AGBL1: variants seen among roughly 807,000 people sequenced by gnomAD.
The protein encoded by AGBL1 is cytosolic carboxypeptidase 4.
AGBL1 carries 130 observed loss-of-function variants against 118.9 expected under a neutral mutation model. That is an observed-to-expected ratio of 1.09 (90% CI 0.95 to 1.26). AGBL1 has a LOEUF of 1.26. AGBL1 is among the 50% of genes most tolerant of loss of function. The pLI, the probability that AGBL1 is intolerant of heterozygous loss-of-function variation, is 0.00. For synonymous variants in AGBL1, 555 were observed against 478.9 expected (o/e 1.16, Z -2.08); for missense variants, 1,584 against 1,298.1 (o/e 1.22, Z -3.38).
chr15:86,422,407 AAG>A (rs2081803918), intron 18 of AGBL1, among the ~76,000 whole-genome samples: 1 of 152,204 alleles, frequency 6.6e-6, no homozygotes, highest in African/African-American at 2.4e-5. Context: ...AGTGAGAACA[AAG>A]ACACAACTTA....
intron 22 of AGBL1, among the ~76,000 whole-genome samples, chr15:86,784,982 C>T (rs981433908): frequency 1.3e-5 from 2 of 152,104 alleles, no homozygotes; most frequent in African/African-American, 2.4e-5. Flanking sequence ...TTTTCAAGCA[C>T]GGTATTACAA....
chr15:86,545,322 A>G (rs2083564591), intron 19 of AGBL1, among the ~76,000 whole-genome samples: 1 of 152,214 alleles, frequency 6.6e-6, no homozygotes, highest in Non-Finnish European at 1.5e-5. Flanking sequence ...GAGAAAAATT[A>G]GAGTGATTGA....
At chr15:86,541,770 T>G (rs2083500519) in intron 19 of AGBL1, among the ~76,000 whole-genome samples, 1 of 152,034 alleles carries the variant, frequency 6.6e-6, no homozygotes, top group Non-Finnish European at 1.5e-5. Flanking sequence ...AACAGATGCC[T>G]CTAGAGACTG....
At chr15:86,534,062 T>C (rs559958246) in intron 19 of AGBL1, among the ~76,000 whole-genome samples, 4 of 125,692 alleles carry the variant, frequency 3.2e-5, no homozygotes, top group East Asian at 4.8e-4. Context: ...TGTATACATA[T>C]GTAACTAACC....
intron 1 of AGBL1, among the ~76,000 whole-genome samples, chr15:86,103,995 G>A (rs78590064): frequency 0.011 from 1,709 of 152,286 alleles, 10 homozygotes; most frequent in East Asian, 0.023. Flanking sequence ...GGTATTGGCA[G>A]CAGCTGTGAT....
intron 23 of AGBL1, among the ~76,000 whole-genome samples, chr15:86,943,726 A>T (rs188248206): frequency 1.3e-5 from 2 of 152,142 alleles, no homozygotes; most frequent in Non-Finnish European, 2.9e-5. Flanking sequence ...TCCCTTTTCT[A>T]TTGGCACAGC....
At chr15:86,304,804 A>C (rs1293851362) in intron 17 of AGBL1, 2 of 152,270 alleles carry the variant, frequency 1.3e-5, no homozygotes, top group South Asian at 2.1e-4. Context: ...TTTTCCTTGC[A>C]GTCTCGAAAA....
At chr15:86,569,778 C>A (rs2083975293) in intron 21 of AGBL1, among the ~76,000 whole-genome samples, 1 of 152,048 alleles carries the variant, frequency 6.6e-6, no homozygotes, top group African/African-American at 2.4e-5. Flanking sequence ...TTAGAAAAGC[C>A]CTGGGAACCA....
chr15:87,016,909 G>A (rs996327593), intron 24 of AGBL1, among the ~76,000 whole-genome samples: 1 of 152,162 alleles, frequency 6.6e-6, no homozygotes, highest in Admixed American at 6.6e-5. Context: ...AGTCCCTGCA[G>A]AGCAGCCACT....
At chr15:86,383,826 C>CT in intron 17 of AGBL1, among the ~76,000 whole-genome samples, 1 of 152,234 alleles carries the variant, frequency 6.6e-6, no homozygotes, top group East Asian at 1.9e-4. Context: ...TGTTCTAATA[C>CT]TTTTTTTCAG....
intron 23 of AGBL1, among the ~76,000 whole-genome samples, chr15:86,986,267 A>T (rs1303468522): frequency 6.6e-6 from 1 of 152,176 alleles, no homozygotes; most frequent in Non-Finnish European, 1.5e-5. Flanking sequence ...AATTAAATTT[A>T]AAAAAGTTTA....
chr15:86,777,556 G>T (rs1303662411), intron 22 of AGBL1, among the ~76,000 whole-genome samples: 1 of 151,958 alleles, frequency 6.6e-6, no homozygotes, highest in Non-Finnish European at 1.5e-5. Context: ...CATTCAATTT[G>T]CAGATTTATT....
chr15:86,118,331 A>G (rs533658656), intron 1 of AGBL1, among the ~76,000 whole-genome samples: 14 of 152,320 alleles, frequency 9.2e-5, no homozygotes, highest in African/African-American at 3.4e-4. Flanking sequence ...TAGGATTTCA[A>G]AGAACAAAAT....
intron 22 of AGBL1, among the ~76,000 whole-genome samples, chr15:86,734,607 G>A (rs1001110560): frequency 6.6e-6 from 1 of 152,166 alleles, no homozygotes; most frequent in Non-Finnish European, 1.5e-5. Flanking sequence ...CAGAGCCACA[G>A]CCGGCCAACT....
intron 17 of AGBL1, among the ~76,000 whole-genome samples, chr15:86,379,856 T>C (rs922744908): frequency 6.6e-6 from 1 of 152,204 alleles, no homozygotes; most frequent in Non-Finnish European, 1.5e-5. Flanking sequence ...ATCTTAACCA[T>C]GTAGCTGTGT....
At chr15:86,126,511 A>G (rs76062112) in intron 1 of AGBL1, among the ~76,000 whole-genome samples, 8,097 of 152,316 alleles carry the variant, frequency 0.053, 296 homozygotes, top group Non-Finnish European at 0.082. Context: ...GGTAGAGTCT[A>G]TATGAATTGA....
At chr15:86,751,007 A>T (rs1310626538) in intron 22 of AGBL1, among the ~76,000 whole-genome samples, 1 of 152,192 alleles carries the variant, frequency 6.6e-6, no homozygotes, top group Non-Finnish European at 1.5e-5. Context: ...TCCATGGTGT[A>T]TGTGTACCAC....
intron 23 of AGBL1, among the ~76,000 whole-genome samples, chr15:86,925,747 T>G (rs1461513612): frequency 6.6e-6 from 1 of 151,000 alleles, no homozygotes; most frequent in Non-Finnish European, 1.5e-5. Context: ...TTTTTTATTT[T>G]TGAGACAGAG....
chr15:86,328,681 A>G (rs944343128), intron 17 of AGBL1, among the ~76,000 whole-genome samples: 1 of 152,146 alleles, frequency 6.6e-6, no homozygotes, highest in Non-Finnish European at 1.5e-5. Context: ...GCCCCAGTAC[A>G]TGAGAGAGAC....
Sources: allele counts gnomAD v4.1 joint callset (sites outside exome capture counted in the v4.1 genomes callset), GRCh38; gene constraint gnomAD v4.1.1; transcripts MANE v1.5; gene names NCBI Gene and HGNC (gene_info 2026-07-23, HGNC 2026-07-21).